EPHB1: variants seen among roughly 807,000 people sequenced by gnomAD.
EPHB1 encodes the protein EPH receptor B1.
EPHB1 carries 30 observed loss-of-function variants against 94.4 expected under a neutral mutation model. That is an observed-to-expected ratio of 0.32 (90% CI 0.24 to 0.43). The LOEUF is 0.43. EPHB1 is among the 20% of genes least tolerant of loss of function. The probability of loss-of-function intolerance (pLI) is 1.00; values close to 1 mark genes in which losing one functional copy is unlikely to be tolerated. For missense variants in EPHB1, 1,055 were observed against 1,308.3 expected (o/e 0.81, Z 2.99); for synonymous variants, 522 against 489.1 (o/e 1.07, Z -0.89).
intron 9 of EPHB1, among the ~76,000 whole-genome samples, chr3:135,174,924 G>A (rs1296814439): frequency 6.6e-6 from 1 of 152,174 alleles, no homozygotes; most frequent in African/African-American, 2.4e-5. Flanking sequence ...AAACCATACT[G>A]TGGAATTCTA....
At chr3:135,100,030 G>T (rs556630203) in intron 3 of EPHB1, among the ~76,000 whole-genome samples, 59 of 152,292 alleles carry the variant, frequency 3.9e-4, no homozygotes, top group African/African-American at 1.4e-3. Flanking sequence ...TTAAGCAGGG[G>T]ATGAATATTC....
At chr3:135,074,273 C>CTGTACACTA (rs1937831389) in intron 3 of EPHB1, among the ~76,000 whole-genome samples, 1 of 152,194 alleles carries the variant, frequency 6.6e-6, no homozygotes, top group Non-Finnish European at 1.5e-5. Flanking sequence ...TAAATATCAT[C>CTGTACACTA]ATGAGCTCAT....
intron 1 of EPHB1, among the ~76,000 whole-genome samples, chr3:134,831,554 C>T (rs1212753046): frequency 1.3e-5 from 2 of 152,196 alleles, no homozygotes; most frequent in Non-Finnish European, 2.9e-5. Context: ...TCCTCCTTCC[C>T]TTCAAACATC....
chr3:135,249,893 C>T (rs1448807346), intron 15 of EPHB1, among the ~76,000 whole-genome samples: 1 of 152,192 alleles, frequency 6.6e-6, no homozygotes, highest in Non-Finnish European at 1.5e-5. Flanking sequence ...GGAGCTTGTC[C>T]TTATACTTAG....
intron 11 of EPHB1, among the ~76,000 whole-genome samples, chr3:135,194,801 GT>G (rs1942554786): frequency 6.6e-6 from 1 of 152,164 alleles, no homozygotes; most frequent in African/African-American, 2.4e-5. Context: ...AGGGTATGGG[GT>G]TATGCTTTGT....
Position 135,260,365 on chromosome 3 carries a change from C to G in EPHB1, c.*1245C>G, listed in dbSNP as rs1933589876. 1.3e-5 allele frequency: 3 copies of G among 231,286 alleles called. No homozygotes were observed. Among genetic ancestry groups the G allele is most frequent in the Non-Finnish European group, 2.6e-5 (3 of 116,660 alleles). 14.3% of individuals were successfully genotyped at this position (231,286 alleles called of 1,614,324 possible). A position where few individuals can be genotyped will look rare whatever the true frequency, so the allele number is the denominator to read the frequency against. On this transcript the variant is annotated 3_prime_UTR_variant, in exon 16 of 16. Coordinates refer to ENST00000398015, the MANE Select transcript of EPHB1 (RefSeq NM_004441.5). ...GTTCAATTCACTTTTGTAAATTCCACCTAACATTTAATTATTTTAAATTTC... is the reference window on the plus strand; with the variant it reads ...GTTCAATTCACTTTTGTAAATTCCAGCTAACATTTAATTATTTTAAATTTC...
intron 1 of EPHB1, among the ~76,000 whole-genome samples, chr3:134,817,865 C>T (rs1370412971): frequency 6.6e-6 from 1 of 152,224 alleles, no homozygotes; most frequent in Non-Finnish European, 1.5e-5. Context: ...ATCCAATATC[C>T]CAAGCCCCTG....
chr3:134,897,207 C>A (rs1232364462), intron 1 of EPHB1, among the ~76,000 whole-genome samples: 1 of 152,194 alleles, frequency 6.6e-6, no homozygotes, highest in African/African-American at 2.4e-5. Flanking sequence ...AAGAGTCCAA[C>A]CTTATTTTGG....
intron 12 of EPHB1, among the ~76,000 whole-genome samples, chr3:135,218,924 G>A (rs1391681409): frequency 1.3e-5 from 2 of 152,236 alleles, no homozygotes; most frequent in South Asian, 2.1e-4. Context: ...ATTAGGGGAA[G>A]AGCATGGCCA....
intron 3 of EPHB1, among the ~76,000 whole-genome samples, chr3:135,013,174 A>G (rs1935677865): frequency 6.6e-6 from 1 of 152,206 alleles, no homozygotes; most frequent in Non-Finnish European, 1.5e-5. Flanking sequence ...ACAGGAATGC[A>G]GTCACTTGCC....
At chr3:135,086,325 T>A (rs1938360388) in intron 3 of EPHB1, among the ~76,000 whole-genome samples, 1 of 142,560 alleles carries the variant, frequency 7.0e-6, no homozygotes, top group Non-Finnish European at 1.5e-5. Context: ...CAAGAGAAAC[T>A]CAGAAGTGGG....
intron 2 of EPHB1, among the ~76,000 whole-genome samples, chr3:134,948,226 A>G (rs1055176932): frequency 1.6e-4 from 25 of 152,110 alleles, no homozygotes; most frequent in Non-Finnish European, 3.5e-4. Context: ...AAATGGGGTC[A>G]CATGCTTCAC....
chr3:134,825,164 T>C (rs979824307), intron 1 of EPHB1, among the ~76,000 whole-genome samples: 3 of 152,234 alleles, frequency 2.0e-5, no homozygotes, highest in African/African-American at 7.2e-5. Context: ...GGCATGTGAC[T>C]GAAGACCTCT....
At chr3:135,083,615 G>T (rs545675587) in intron 3 of EPHB1, among the ~76,000 whole-genome samples, 1 of 151,844 alleles carries the variant, frequency 6.6e-6, no homozygotes, top group African/African-American at 2.4e-5. Context: ...GTGTATGGAG[G>T]GGGGATTAAT....
chr3:134,872,591 G>A (rs1578157545), intron 1 of EPHB1, among the ~76,000 whole-genome samples: 1 of 152,218 alleles, frequency 6.6e-6, no homozygotes, highest in African/African-American at 2.4e-5. Flanking sequence ...GCTGCCAGTT[G>A]TATGACAATC....
At chr3:134,935,661 A>G (rs1356885117) in intron 2 of EPHB1, among the ~76,000 whole-genome samples, 2 of 152,164 alleles carry the variant, frequency 1.3e-5, no homozygotes, top group East Asian at 1.9e-4. Context: ...CCTGATTAGT[A>G]CTAGTGGTAA....
At chr3:135,026,387 T>A (rs1044795384) in intron 3 of EPHB1, among the ~76,000 whole-genome samples, 15 of 149,456 alleles carry the variant, frequency 1.0e-4, no homozygotes, top group African/African-American at 3.5e-4. Flanking sequence ...AATTGATTTT[T>A]GTATATGGTG....
Position 134,907,126 on chromosome 3 carries a change from G to A in EPHB1, c.59-18690G>A, listed in dbSNP as rs140620646. Among the ~76,000 whole-genome samples the A allele has an allele frequency of 3.7e-3, 560 of 152,264 alleles. 2 individuals carry two copies. In the Middle Eastern group the frequency reaches 0.041, roughly 11 times the overall value. On this transcript the variant is annotated intron_variant, in intron 1 of 15. Coordinates refer to ENST00000398015, the MANE Select transcript of EPHB1 (RefSeq NM_004441.5). ...ACACTTCACAAAAAGTACCTCATTC[G>A]ATCTTCAAATTAACGTGGGAAACAG...
At chr3:135,081,606 G>A (rs1467025419) in intron 3 of EPHB1, among the ~76,000 whole-genome samples, 4 of 152,162 alleles carry the variant, frequency 2.6e-5, no homozygotes, top group Admixed American at 2.6e-4. Flanking sequence ...GCTGCCCAAG[G>A]AGCTTCTGCT....
Sources: gnomAD v4.1 joint callset for allele counts (sites outside exome capture counted in the v4.1 genomes callset) on GRCh38, gnomAD v4.1.1 for gene constraint, MANE v1.5 for transcripts, NCBI Gene and HGNC (gene_info 2026-07-23, HGNC 2026-07-21) for gene names.